LRBA: variants seen among roughly 807,000 people sequenced by gnomAD.
LRBA encodes lipopolysaccharide-responsive and beige-like anchor protein.
A neutral mutation model predicts 330.0 loss-of-function variants in LRBA; 176 were observed. The observed-to-expected ratio is 0.53, with a 90% CI of 0.47 to 0.60. The LOEUF (loss-of-function observed/expected upper bound fraction) is 0.60. Ranked by LOEUF, LRBA falls within the 20% of genes least tolerant of loss-of-function variation. The probability of loss-of-function intolerance (pLI) is 0.00; values close to 1 mark genes in which losing one functional copy is unlikely to be tolerated. For missense variants in LRBA, 3,259 were observed against 3,444.8 expected (o/e 0.95, Z 1.35); for synonymous variants, 1,230 against 1,193.0 (o/e 1.03, Z -0.64).
chr4:150,539,921 A>C (rs898080317), intron 40 of LRBA, among the ~76,000 whole-genome samples: 1 of 152,232 alleles, frequency 6.6e-6, no homozygotes, highest in African/African-American at 2.4e-5. Flanking sequence ...TAAAGGAATA[A>C]AAACATTTAT....
At chr4:150,502,942 G>T (rs1343362433) in intron 40 of LRBA, among the ~76,000 whole-genome samples, 2 of 152,160 alleles carry the variant, frequency 1.3e-5, no homozygotes, top group African/African-American at 4.8e-5. Context: ...CACCCACGGA[G>T]TCTCGCTCAT....
intron 36 of LRBA, among the ~76,000 whole-genome samples, chr4:150,684,160 A>G (rs1783308387): frequency 1.3e-5 from 2 of 152,222 alleles, no homozygotes; most frequent in African/African-American, 4.8e-5. Context: ...ATCCCAGAGG[A>G]AAGTTTTACG....
At chr4:150,840,972 T>C (rs574297835) in intron 28 of LRBA, 97 of 1,243,656 alleles carry the variant, frequency 7.8e-5, no homozygotes, top group Admixed American at 4.3e-4. Flanking sequence ...ATCCACTTGA[T>C]GCAATTCTTT....
intron 53 of LRBA, among the ~76,000 whole-genome samples, chr4:150,288,193 G>A (rs901641951): frequency 2.6e-5 from 4 of 151,622 alleles, no homozygotes; most frequent in Admixed American, 1.3e-4. Flanking sequence ...GGGTTTCACC[G>A]TGGTCTCGAT....
intron 35 of LRBA, among the ~76,000 whole-genome samples, chr4:150,760,354 A>G (rs1193008447): frequency 6.6e-6 from 1 of 152,070 alleles, no homozygotes; most frequent in Non-Finnish European, 1.5e-5. Context: ...ATGTATCTCT[A>G]TGTTTCATAT....
chr4:150,703,793 G>T (rs1785341984), intron 36 of LRBA, among the ~76,000 whole-genome samples: 1 of 151,440 alleles, frequency 6.6e-6, no homozygotes, highest in South Asian at 2.1e-4. Flanking sequence ...AAAATTACAT[G>T]TAAAATGTGT....
chr4:150,307,089 A>T (rs1436992928), intron 52 of LRBA, among the ~76,000 whole-genome samples: 1 of 152,136 alleles, frequency 6.6e-6, no homozygotes, highest in Non-Finnish European at 1.5e-5. Flanking sequence ...AGTTAGCTTT[A>T]CTTTACAAAT....
chr4:150,514,892 C>T (rs1030425680), intron 40 of LRBA, among the ~76,000 whole-genome samples: 4 of 152,062 alleles, frequency 2.6e-5, no homozygotes, highest in East Asian at 3.9e-4. Flanking sequence ...AAATCTGGGA[C>T]GACTTGCCTG....
intron 28 of LRBA, among the ~76,000 whole-genome samples, chr4:150,836,828 T>C (rs1748171400): frequency 1.3e-5 from 2 of 152,238 alleles, no homozygotes; most frequent in African/African-American, 4.8e-5. Context: ...ATTTCTTGCC[T>C]TCTGCTAGCT....
chr4:150,552,795 C>A (rs1438144882), intron 40 of LRBA, among the ~76,000 whole-genome samples: 1 of 152,092 alleles, frequency 6.6e-6, no homozygotes, highest in Non-Finnish European at 1.5e-5. Context: ...GGCAGCTGGG[C>A]ATGGTGGCTC....
chr4:150,837,379 A>C (rs1239224556), intron 28 of LRBA, among the ~76,000 whole-genome samples: 1 of 152,046 alleles, frequency 6.6e-6, no homozygotes, highest in African/African-American at 2.4e-5. Flanking sequence ...TGATCTGTCT[A>C]ATGTTGACGG....
chr4:150,546,601 G>A (rs891590893), intron 40 of LRBA, among the ~76,000 whole-genome samples: 1 of 152,160 alleles, frequency 6.6e-6, no homozygotes, highest in African/African-American at 2.4e-5. Flanking sequence ...GAGTGGTCTT[G>A]GGGTTAATTG....
intron 28 of LRBA, among the ~76,000 whole-genome samples, chr4:150,832,659 A>G (rs1159113932): frequency 6.6e-6 from 1 of 152,262 alleles, no homozygotes; most frequent in Non-Finnish European, 1.5e-5. Flanking sequence ...GGTTATTTTT[A>G]TCTGTAATCA....
intron 2 of LRBA, among the ~76,000 whole-genome samples, chr4:150,930,103 T>G (rs1478002980): frequency 6.6e-6 from 1 of 151,596 alleles, no homozygotes; most frequent in African/African-American, 2.4e-5. Flanking sequence ...CCACCTGAGG[T>G]CAGGAGTTCA....
At chr4:150,703,881 A>T (rs1785354740) in intron 36 of LRBA, among the ~76,000 whole-genome samples, 1 of 152,140 alleles carries the variant, frequency 6.6e-6, no homozygotes, top group African/African-American at 2.4e-5. Context: ...TATTAACTCA[A>T]AATATAAAGA....
At chr4:150,375,279 T>A (rs1382315255) in intron 47 of LRBA, among the ~76,000 whole-genome samples, 2 of 152,086 alleles carry the variant, frequency 1.3e-5, no homozygotes, top group South Asian at 4.2e-4. Context: ...TGATCAGCCC[T>A]ACAAGGCATA....
chr4:150,718,217 A>T (rs1187248825), intron 36 of LRBA, among the ~76,000 whole-genome samples: 1 of 151,992 alleles, frequency 6.6e-6, no homozygotes, highest in Non-Finnish European at 1.5e-5. Context: ...AGGATATCCC[A>T]CTCCAATGAT....
intron 54 of LRBA, 58 bp from the exon 55 acceptor site, chr4:150,282,704 C>A: frequency 8.2e-7 from 1 of 1,215,576 alleles, no homozygotes; most frequent in South Asian, 1.4e-5. Flanking sequence ...ACAATATGAT[C>A]TGAATCTTGA....
intron 36 of LRBA, among the ~76,000 whole-genome samples, chr4:150,716,500 C>A (rs761308590): frequency 7.2e-5 from 11 of 152,100 alleles, no homozygotes; most frequent in Non-Finnish European, 1.5e-4. Context: ...AAAGCAAAAT[C>A]CAACGAAGAT....
Sources: gnomAD v4.1 joint callset for allele counts (sites outside exome capture counted in the v4.1 genomes callset) on GRCh38, gnomAD v4.1.1 for gene constraint, MANE v1.5 for transcripts, NCBI Gene and HGNC (gene_info 2026-07-23, HGNC 2026-07-21) for gene names.